Variants in WEE1 observed in about 807,000 individuals in gnomAD.
WEE1 encodes the protein WEE1 G2 checkpoint kinase, also known as wee1-like protein kinase.
Under a neutral mutation model 68.8 loss-of-function variants are expected in WEE1, and 16 were observed. The observed-to-expected ratio is 0.23, with a 90% CI of 0.16 to 0.35. WEE1 has a LOEUF of 0.35. Among genes scored for constraint, WEE1 ranks in the 10% least tolerant of loss-of-function variants. WEE1 has a pLI of 1.00. For missense variants in WEE1, 651 were observed against 824.1 expected (o/e 0.79, Z 2.57); for synonymous variants, 349 against 318.7 (o/e 1.09, Z -1.01).
At chr11:9,577,834 G>A (rs537003026) in intron 5 of WEE1, 120 of 454,654 alleles carry the variant, frequency 2.6e-4, no homozygotes, top group South Asian at 1.8e-3. Flanking sequence ...CTCCCCTAAG[G>A]ATGAAACAAA....
At position 9,586,818 on chromosome 11, in the gene WEE1, A is replaced by G. The variant is rs1284826759; in HGVS notation, c.1749A>G (p.Glu583=). Residue 583 remains glutamate (E), a synonymous_variant, in exon 10 of 11, where the codon GAA becomes GAG. Transcript: ENST00000450114. ...AGAGTGCAGAACAATTACGAATAGA[A>G]TTGAATGCCGAAAAGTTCAAAAATT... ...SRKSAEQLRI[E]LNAEKFKNSL... 1 of 1,612,228 alleles carries G rather than the reference A, an allele frequency of 6.2e-7. No homozygotes were observed. Among genetic ancestry groups the G allele is most frequent in the Non-Finnish European group, 8.5e-7 (1 of 1,179,594 alleles).
Position 9,576,639 on chromosome 11 carries a change from A to G in WEE1, c.999A>G (p.Pro333=). 1 of 1,613,320 alleles carries G rather than the reference A, an allele frequency of 6.2e-7. No homozygotes were observed. The highest frequency in any genetic ancestry group is 8.5e-7 in the Non-Finnish European group (1 of 1,179,732). The change falls in exon 4 of 11, where the codon CCA becomes CCG. Residue 333 remains proline, a synonymous_variant. Coordinates refer to ENST00000450114, the MANE Select transcript of WEE1 (RefSeq NM_003390.4). This position sits in a 1 kb window ranked among gnomAD's most constrained non-coding sequence, Gnocchi z 4.3. The part of the protein sequence containing the change: ...CIYAIKRSKK[P]LAGSVDEQNA... The stretch of plus-strand genomic sequence containing the variant: ...ATGCCATTAAGCGATCAAAAAAGCC[A>G]TTGGCGGGCTCTGTTGATGAGTATG...
chr11:9,589,132 T>C lies in WEE1; in HGVS notation c.*530T>C, dbSNP rs1166797007. 1.0e-6 allele frequency: 1 copy of C among 985,754 alleles called. No individual in the cohort carries two copies. The highest frequency in any genetic ancestry group is 1.7e-5 in the African/African-American group (1 of 57,234). The allele number at this position is 985,754 out of a possible 1,614,324, so 61.1% of individuals were successfully genotyped here. ...ATGGGATGATGATTCTGTGGAGGTA[T>C]TGCCTTGTGAATTTGCTGCTATTTT... is the stretch of plus-strand genomic sequence containing the variant. On this transcript the variant is annotated 3_prime_UTR_variant, in exon 11 of 11. Coordinates refer to ENST00000450114, the MANE Select transcript of WEE1 (RefSeq NM_003390.4).
chr11:9,586,702 C>CT lies in WEE1; in HGVS notation c.1642-4dup. 4 of 1,611,080 alleles carry CT rather than the reference C, an allele frequency of 2.5e-6. No individual in the cohort carries two copies. Among genetic ancestry groups the CT allele is most frequent in the Non-Finnish European group, 3.4e-6 (4 of 1,179,308 alleles). On this transcript the variant is annotated splice_polypyrimidine_tract_variant and intron_variant, in intron 9 of 10. Coordinates refer to ENST00000450114, the MANE Select transcript of WEE1 (RefSeq NM_003390.4). ...ATGTCTTTACCTTCATTTTACTTTT[C>CT]TTTTTAAGGTTATGATTCATCCAGA...
In WEE1 at chr11:9,589,174, T is replaced by G. The variant is rs944116406; in HGVS notation, c.*572T>G. 1.0e-6 allele frequency: 1 copy of G among 985,788 alleles called. No individual in the cohort carries two copies. Among genetic ancestry groups the G allele is most frequent in the Non-Finnish European group, 1.2e-6 (1 of 829,860 alleles). The allele number at this position is 985,788 out of a possible 1,614,324, so 61.1% of individuals were successfully genotyped here. On this transcript the variant is annotated 3_prime_UTR_variant, in exon 11 of 11. Coordinates refer to ENST00000450114, the MANE Select transcript of WEE1 (RefSeq NM_003390.4). The stretch of plus-strand genomic sequence containing the variant: ...TGCTATTTTAGTTTTGTCTTTGCTG[T>G]AAACTTGTAGCATTAAACAATCATT...
At chr11:9,587,157 T>C (rs1320038429) in intron 10 of WEE1, among the ~76,000 whole-genome samples, 1 of 152,092 alleles carries the variant, frequency 6.6e-6, no homozygotes, top group Non-Finnish European at 1.5e-5. Context: ...ATGGGGTTTT[T>C]GCCATGTTGC....
chr11:9,580,870 T>A (rs1407932821), intron 5 of WEE1: 2 of 152,238 alleles, frequency 1.3e-5, no homozygotes, highest in African/African-American at 4.8e-5. Context: ...TATGCTGTTA[T>A]TTATGCAAAA....
At chr11:9,583,527 A>G (rs756982061) in intron 6 of WEE1, among the ~76,000 whole-genome samples, 12 of 148,384 alleles carry the variant, frequency 8.1e-5, no homozygotes. Flanking sequence ...AGGCAGGAGA[A>G]TTGCTTGAAC....
intron 5 of WEE1, 112 bp from the exon 6 acceptor site, chr11:9,581,420 T>C (rs1405600450): frequency 4.7e-6 from 5 of 1,062,672 alleles, no homozygotes; most frequent in Non-Finnish European, 5.3e-6. Flanking sequence ...GAAGGTCCTA[T>C]AAAATAACAC....
rs144031261 is a variant in WEE1 at position 9,581,625 on chromosome 11, G to A, written c.1235G>A (p.Arg412Gln). Residue 412 changes from arginine to glutamine, a missense_variant, in exon 6 of 11, where the codon CGA (arginine) becomes CAA (glutamine). By Grantham distance (43) the Arg-to-Gln change is conservative. Around this residue, in one of 5 missense-constraint regions of WEE1, gnomAD observed 82 missense variants for 123.2 expected, o/e 0.67. Transcript: ENST00000450114. ...AAGGATCTCCTTTTGCAAGTTGGCC[G>A]AGGCTTGAGGTATATTCATTCAATG... ...ELKDLLLQVG[R>Q]GLRYIHSMSL... 8 of 1,613,302 alleles carry A rather than the reference G, an allele frequency of 5.0e-6. No homozygotes were observed. Among genetic ancestry groups the A allele is most frequent in the South Asian group, 2.2e-5 (2 of 91,030 alleles).
chr11:9,586,527 C>G lies in WEE1; in HGVS notation c.1549C>G (p.Pro517Ala), dbSNP rs1326890678. ...VVCAAGAEPL[P>A]RNGDQWHEIR... The stretch of plus-strand genomic sequence containing the variant: ...ATGTGCTGCTGGTGCTGAACCTCTT[C>G]CGAGAAATGGAGATCAATGGCATGA... The change falls in exon 9 of 11, where the codon CCG (proline) becomes GCG (alanine). Residue 517 changes from proline to alanine, a missense_variant. Physicochemically the swap from Pro to Ala is conservative, Grantham distance 27 (BLOSUM62 -1). Around this residue, in one of 5 missense-constraint regions of WEE1, gnomAD observed 18 missense variants for 54.3 expected, o/e 0.33. Coordinates refer to ENST00000450114, the MANE Select transcript of WEE1 (RefSeq NM_003390.4). The G allele has an allele frequency of 1.2e-6, 2 of 1,613,952 alleles. No individual in the cohort carries two copies. The highest frequency in any genetic ancestry group is 3.3e-5 in the Admixed American group (2 of 59,988).
At position 9,589,392 on chromosome 11, in the gene WEE1, G is replaced by A. The variant is rs1280446022; in HGVS notation, c.*790G>A. ...ATTACTGGTTTTGTAACTTGTTCTGGTAATGTCCTTCCCGGACTCTTTTTA... is the reference window on the plus strand; with the variant it reads ...ATTACTGGTTTTGTAACTTGTTCTGATAATGTCCTTCCCGGACTCTTTTTA... On this transcript the variant is annotated 3_prime_UTR_variant, in exon 11 of 11. Coordinates refer to ENST00000450114, the MANE Select transcript of WEE1 (RefSeq NM_003390.4). 1.0e-6 allele frequency: 1 copy of A among 984,442 alleles called. No homozygotes were observed. The highest frequency in any genetic ancestry group is 1.8e-5 in the African/African-American group (1 of 57,004). 61.0% of individuals were successfully genotyped at this position (984,442 alleles called of 1,614,324 possible).
chr11:9,574,802 GC>G lies in WEE1; in HGVS notation c.576+297del. Reference sequence around the variant, plus strand: ...AGTCCGGGCCGCCCCGAGCGTGTCAGCCCCGAGTGCGGCACCGATAACGCGG... The same window carrying G: ...AGTCCGGGCCGCCCCGAGCGTGTCAGCCCGAGTGCGGCACCGATAACGCGG... On this transcript the variant is annotated intron_variant, in intron 1 of 10. Transcript: ENST00000450114. The surrounding 1 kb of genome is among the most constrained non-coding windows in gnomAD (Gnocchi z 4.9). The G allele has an allele frequency of 1.0e-6, 1 of 1,002,710 alleles. No homozygotes were observed. Among genetic ancestry groups the G allele is most frequent in the South Asian group, 4.7e-5 (1 of 21,440 alleles). The allele number at this position is 1,002,710 out of a possible 1,614,324, so 62.1% of individuals were successfully genotyped here.
rs770156577 is a variant in WEE1, at chr11:9,574,647, C to T, written c.576+138C>T. The T allele has an allele frequency of 2.2e-5, 25 of 1,116,356 alleles. No homozygotes were observed. The highest frequency in any genetic ancestry group is 2.6e-5 in the Non-Finnish European group (24 of 915,534). The allele number at this position is 1,116,356 out of a possible 1,614,324, so 69.2% of individuals were successfully genotyped here. ...TGCGCCGCCCCCCAAAGTTGGCAGC[C>T]CTTGTGTTTGGCCCTGCCCCGAGGT... On this transcript the variant is annotated intron_variant, in intron 1 of 10. Coordinates refer to ENST00000450114, the MANE Select transcript of WEE1 (RefSeq NM_003390.4). The surrounding 1 kb of genome is among the most constrained non-coding windows in gnomAD (Gnocchi z 4.9).
Position 9,588,632 on chromosome 11 carries a change from CTG to C in WEE1, c.*33_*34del, listed in dbSNP as rs770854702. The C allele has an allele frequency of 2.8e-5, 41 of 1,485,114 alleles. No homozygotes were observed. The highest frequency in any genetic ancestry group is 2.4e-4 in the South Asian group (17 of 70,646). 92.0% of individuals were successfully genotyped at this position (1,485,114 alleles called of 1,614,324 possible). On this transcript the variant is annotated 3_prime_UTR_variant, in exon 11 of 11. Coordinates refer to ENST00000450114, the MANE Select transcript of WEE1 (RefSeq NM_003390.4). ...CTCCTTTCCCACCTCCCCCTGAACA[CTG>C]TGACAAGAGGAAGCTAGGTTGAAAT... is the stretch of plus-strand genomic sequence containing the variant.
chr11:9,588,155 C>T (rs1849723541), intron 10 of WEE1, among the ~76,000 whole-genome samples: 1 of 152,146 alleles, frequency 6.6e-6, no homozygotes, highest in African/African-American at 2.4e-5. Flanking sequence ...GCTGAGACTA[C>T]AGGTGTGAGT....
chr11:9,583,387 G>T (rs1454839726), intron 6 of WEE1, among the ~76,000 whole-genome samples: 2 of 152,008 alleles, frequency 1.3e-5, no homozygotes, highest in Non-Finnish European at 2.9e-5. Context: ...GGCTGAGGCG[G>T]GTGGATTGCC....
rs1361783443 is a variant in WEE1 at position 9,574,247 on chromosome 11, C to G, written c.314C>G (p.Ala105Gly). The change falls in exon 1 of 11, where the codon GCG becomes GGG. Residue 105 changes from alanine (A) to glycine (G), a missense_variant. Coordinates refer to ENST00000450114, the MANE Select transcript of WEE1 (RefSeq NM_003390.4). The surrounding 1 kb of genome is among the most constrained non-coding windows in gnomAD (Gnocchi z 4.9). Reference protein sequence around the residue: ...LPGACPGADEAGGGAEGDSWE... With the variant: ...LPGACPGADEGGGGAEGDSWE... ...GGCGCCTGCCCGGGCGCGGACGAGG[C>G]GGGCGGTGGGGCGGAGGGCGACTCG... The G allele has an allele frequency of 1.7e-6, 2 of 1,202,648 alleles. No homozygotes were observed. Among genetic ancestry groups the G allele is most frequent in the Non-Finnish European group, 2.1e-6 (2 of 967,630 alleles). The allele number at this position is 1,202,648 out of a possible 1,614,324, so 74.5% of individuals were successfully genotyped here. A position where few individuals can be genotyped will look rare whatever the true frequency, so the allele number is the denominator to read the frequency against.
At chr11:9,583,763 A>ACG (rs1849659366) in intron 6 of WEE1, among the ~76,000 whole-genome samples, 1 of 36,994 alleles carries the variant, frequency 2.7e-5, no homozygotes, top group African/African-American at 9.6e-5. Flanking sequence ...ACGCGCGCGC[A>ACG]CACACACACA....
Sources: allele counts gnomAD v4.1 joint callset (sites outside exome capture counted in the v4.1 genomes callset), GRCh38; gene constraint gnomAD v4.1.1; regional missense constraint gnomAD v4.1.1; non-coding constraint Gnocchi (gnomAD v3.1); transcripts MANE v1.5; gene names NCBI Gene and HGNC (gene_info 2026-07-23, HGNC 2026-07-21).